Variants in MPP3 observed in about 807,000 individuals in gnomAD.
MPP3 encodes MAGUK p55 subfamily member 3.
In MPP3, 48 loss-of-function variants were observed where a neutral mutation model predicts 80.7. That is an observed-to-expected ratio of 0.59 (90% CI 0.47 to 0.76). The LOEUF is 0.76. Ranked by LOEUF, MPP3 falls within the 30% of genes least tolerant of loss-of-function variation. MPP3 has a pLI of 0.00. For missense variants in MPP3, 620 were observed against 763.0 expected (o/e 0.81, Z 2.21); for synonymous variants, 311 against 297.6 (o/e 1.04, Z -0.46).
At chr17:43,816,928 T>C (rs918963534) in intron 12 of MPP3, among the ~76,000 whole-genome samples, 7 of 152,326 alleles carry the variant, frequency 4.6e-5, no homozygotes, top group Admixed American at 6.5e-5. Flanking sequence ...AGCTCATCAG[T>C]GGCACAGCAG....
At chr17:43,806,497 T>C (rs1299505070) in intron 19 of MPP3, among the ~76,000 whole-genome samples, 1 of 152,036 alleles carries the variant, frequency 6.6e-6, no homozygotes, top group Non-Finnish European at 1.5e-5. Flanking sequence ...GCTATAATAC[T>C]TCAATACATC....
chr17:43,826,677 G>C (rs1567823751), intron 8 of MPP3, among the ~76,000 whole-genome samples: 1 of 152,076 alleles, frequency 6.6e-6, no homozygotes, highest in Non-Finnish European at 1.5e-5. Flanking sequence ...ACAAGACCTG[G>C]GATGGTGGGG....
At chr17:43,817,286 A>G (rs1260715489) in intron 12 of MPP3, among the ~76,000 whole-genome samples, 1 of 152,008 alleles carries the variant, frequency 6.6e-6, no homozygotes, top group Admixed American at 6.6e-5. Flanking sequence ...TGTGACCCCA[A>G]CTCTGCTCAC....
chr17:43,801,970 T>G, intron 19 of MPP3, 93 bp from the exon 20 acceptor site: 4 of 1,129,916 alleles, frequency 3.5e-6, no homozygotes, highest in Non-Finnish European at 4.8e-6. Context: ...AACCTTTAAC[T>G]TTTAAGTGAT....
Position 43,801,784 on chromosome 17 carries a change from G to T in MPP3, c.1675C>A (p.Gln559Lys). The change falls in exon 20 of 20, where the codon CAG (glutamine) becomes AAG (lysine). Residue 559 changes from glutamine to lysine, a missense_variant. Coordinates refer to ENST00000398389, the MANE Select transcript of MPP3 (RefSeq NM_001932.6). ...VDAVLVKEDL[Q>K]GAYSQLKVVL... ...ACTTTGAGCTGGCTGTAGGCACCCT[G>T]GAGATCCTCCTTCACCAGCACGGCG... 1 of 1,614,142 alleles carries T rather than the reference G, an allele frequency of 6.2e-7. No homozygotes were observed. Among genetic ancestry groups the T allele is most frequent in the Non-Finnish European group, 8.5e-7 (1 of 1,180,028 alleles).
At chr17:43,831,716 G>A (rs568007195) in intron 3 of MPP3, 39 bp from the exon 4 acceptor site, 4 of 1,549,524 alleles carry the variant, frequency 2.6e-6, no homozygotes, top group South Asian at 2.3e-5. Flanking sequence ...AGCAAACGCA[G>A]TGGGTGCTCC....
intron 13 of MPP3, 45 bp from the exon 14 acceptor site, chr17:43,816,124 C>A: frequency 6.7e-7 from 1 of 1,487,944 alleles, no homozygotes; most frequent in Non-Finnish European, 8.9e-7. Context: ...TCCCACCAGA[C>A]ACATCCGGCC....
intron 14 of MPP3, chr17:43,814,612 C>A: frequency 2.6e-6 from 1 of 380,306 alleles, no homozygotes; most frequent in Non-Finnish European, 4.7e-6. Context: ...TTGGACAAGT[C>A]CCTTCATCTC....
chr17:43,805,375 A>G (rs2044574813), intron 19 of MPP3, among the ~76,000 whole-genome samples: 1 of 152,216 alleles, frequency 6.6e-6, no homozygotes. Context: ...GCTGCTGGGA[A>G]TGTAAAATGG....
chr17:43,804,317 G>A (rs529099525), intron 19 of MPP3, among the ~76,000 whole-genome samples: 19 of 152,322 alleles, frequency 1.2e-4, no homozygotes, highest in Admixed American at 9.8e-4. Context: ...ATCAAAGTAA[G>A]ACAGTGTGGT....
chr17:43,802,331 G>T (rs946779515), intron 19 of MPP3, among the ~76,000 whole-genome samples: 7 of 152,164 alleles, frequency 4.6e-5, no homozygotes. Flanking sequence ...AAACATTTCT[G>T]CAATCAACTG....
chr17:43,831,393 G>T, intron 4 of MPP3, 72 bp from the exon 5 acceptor site: 1 of 1,518,620 alleles, frequency 6.6e-7, no homozygotes, highest in Non-Finnish European at 9.1e-7. Context: ...GGACATTTGG[G>T]GCAGCAGACT....
chr17:43,808,641 T>C (rs1342255692), intron 19 of MPP3, among the ~76,000 whole-genome samples: 1 of 152,260 alleles, frequency 6.6e-6, no homozygotes, highest in African/African-American at 2.4e-5. Flanking sequence ...GAGTACAGTC[T>C]GTCACACTCA....
intron 14 of MPP3, chr17:43,814,676 A>T: frequency 4.1e-6 from 1 of 242,648 alleles, no homozygotes; most frequent in Admixed American, 5.1e-5. Context: ...TACAACTACT[A>T]TGTGTGGTCC....
At chr17:43,821,156 TAGG>T (rs2045443069) in intron 10 of MPP3, 98 bp from the exon 11 acceptor site, 1 of 1,161,262 alleles carries the variant, frequency 8.6e-7, no homozygotes, top group South Asian at 1.4e-5. Context: ...CATCCACACT[TAGG>T]AGGACCAAGT....
chr17:43,815,793 T>G, intron 14 of MPP3: 2 of 677,564 alleles, frequency 3.0e-6, no homozygotes, highest in Non-Finnish European at 5.4e-6. Flanking sequence ...AATGTAGGGG[T>G]GTGTGTGCCT....
In MPP3 at chr17:43,830,010, G is replaced by T; in HGVS notation, c.303+17C>A. ...GAGACCCAGAGGCATGGCTGGGCAG[G>T]GGCTCTGTGTGACTACCCTCAGGTG... is the stretch of plus-strand genomic sequence containing the variant. On this transcript the variant is annotated intron_variant, in intron 6 of 19. Coordinates refer to ENST00000398389, the MANE Select transcript of MPP3 (RefSeq NM_001932.6). 6 of 1,606,170 alleles carry T rather than the reference G, an allele frequency of 3.7e-6. No homozygotes were observed. Among genetic ancestry groups the T allele is most frequent in the Non-Finnish European group, 5.1e-6 (6 of 1,177,244 alleles).
In MPP3 at chr17:43,818,034, C is replaced by A. The variant is rs755012340; in HGVS notation, c.946+12G>T. 2 of 1,577,982 alleles carry A rather than the reference C, an allele frequency of 1.3e-6. No individual in the cohort carries two copies. The highest frequency in any genetic ancestry group is 2.3e-5 in the South Asian group (2 of 86,000). On this transcript the variant is annotated intron_variant, in intron 12 of 19. Coordinates refer to ENST00000398389, the MANE Select transcript of MPP3 (RefSeq NM_001932.6). ...GCCCTCCCTGGAGTGCCATCCCTGA[C>A]AATCTACTCACAGGGGGGCTTCCTG...
intron 18 of MPP3, among the ~76,000 whole-genome samples, chr17:43,809,281 G>A (rs548451058): frequency 2.0e-5 from 3 of 152,182 alleles, no homozygotes; most frequent in Admixed American, 6.5e-5. Flanking sequence ...TGAACTCAGC[G>A]GGGCCCTGAA....
Sources: allele counts gnomAD v4.1 joint callset (sites outside exome capture counted in the v4.1 genomes callset), GRCh38; gene constraint gnomAD v4.1.1; transcripts MANE v1.5; gene names NCBI Gene and HGNC (gene_info 2026-07-23, HGNC 2026-07-21).